Variants in TMEM132C observed in about 807,000 individuals in gnomAD.
TMEM132C encodes protein phosphatase 1, regulatory subunit 152.
Under a neutral mutation model 61.4 loss-of-function variants are expected in TMEM132C, and 29 were observed. The observed-to-expected ratio is 0.47, with a 90% CI of 0.35 to 0.64. The LOEUF (loss-of-function observed/expected upper bound fraction) is 0.64, where lower values mean the gene tolerates loss of function less well. TMEM132C is among the 30% of genes least tolerant of loss of function. TMEM132C has a pLI of 0.00. For synonymous variants in TMEM132C, 656 were observed against 633.1 expected, an observed-to-expected ratio of 1.04 and a Z score of -0.54; for missense variants, 1,408 against 1,476.9, an observed-to-expected ratio of 0.95 and a Z score of 0.76.
intron 2 of TMEM132C, among the ~76,000 whole-genome samples, chr12:128,492,614 T>C (rs909391573): frequency 2.0e-5 from 3 of 152,216 alleles, no homozygotes; most frequent in African/African-American, 7.2e-5. Flanking sequence ...ATGATGAGCA[T>C]TTTTTCATGT....
chr12:128,307,850 C>T (rs1298303096), intron 1 of TMEM132C, among the ~76,000 whole-genome samples: 1 of 152,198 alleles, frequency 6.6e-6, no homozygotes, highest in African/African-American at 2.4e-5. Context: ...TCTCTTCACC[C>T]CAAGAAGTCA....
At chr12:128,394,941 CAT>C (rs1259691504) in intron 1 of TMEM132C, among the ~76,000 whole-genome samples, 2 of 150,058 alleles carry the variant, frequency 1.3e-5, no homozygotes, top group African/African-American at 4.9e-5. Context: ...AGCTAAAACA[CAT>C]GTGACCATCC....
At chr12:128,639,004 ATGATGATGGTGG>A (rs1954126478) in intron 4 of TMEM132C, among the ~76,000 whole-genome samples, 2 of 54,408 alleles carry the variant, frequency 3.7e-5, no homozygotes, top group African/African-American at 1.2e-4. Context: ...GATGGTGGTG[ATGATGATGGTGG>A]TGATGGTGAT....
chr12:128,413,644 ATAATTT>A (rs900120784), intron 1 of TMEM132C, among the ~76,000 whole-genome samples: 8 of 151,518 alleles, frequency 5.3e-5, no homozygotes, highest in African/African-American at 1.5e-4. Context: ...ATATATATAA[ATAATTT>A]TAATATATTT....
At chr12:128,627,180 C>T (rs952692418) in intron 4 of TMEM132C, among the ~76,000 whole-genome samples, 11 of 152,236 alleles carry the variant, frequency 7.2e-5, no homozygotes, top group Non-Finnish European at 1.6e-4. Context: ...CCCATTCCAG[C>T]ACATTGCCTG....
chr12:128,372,973 G>A (rs1284455770), intron 1 of TMEM132C, among the ~76,000 whole-genome samples: 5 of 152,208 alleles, frequency 3.3e-5, no homozygotes, highest in Non-Finnish European at 5.9e-5. Context: ...TCCAGTGCTG[G>A]ATTTCAGTTC....
intron 1 of TMEM132C, among the ~76,000 whole-genome samples, chr12:128,360,511 C>G (rs556282304): frequency 6.6e-6 from 1 of 152,128 alleles, no homozygotes; most frequent in African/African-American, 2.4e-5. Context: ...CCCCTCGTGC[C>G]TGCTGATAAG....
intron 5 of TMEM132C, among the ~76,000 whole-genome samples, chr12:128,673,593 A>AC (rs35983908): frequency 0.76 from 115,943 of 152,166 alleles, 45,000 homozygotes; most frequent in South Asian, 0.88. Flanking sequence ...TATATAAAAC[A>AC]CTTTGAAAAG....
At chr12:128,344,314 C>T (rs1000963295) in intron 1 of TMEM132C, among the ~76,000 whole-genome samples, 10 of 152,218 alleles carry the variant, frequency 6.6e-5, no homozygotes, top group Admixed American at 5.9e-4. Flanking sequence ...CCTGCCACCA[C>T]ATCCGGCTAA....
At chr12:128,356,267 C>T (rs1045355036) in intron 1 of TMEM132C, among the ~76,000 whole-genome samples, 4 of 152,284 alleles carry the variant, frequency 2.6e-5, no homozygotes, top group East Asian at 1.9e-4. Context: ...AGCCAGGGAT[C>T]GGAGCCCCAC....
At chr12:128,689,032 G>T (rs1214092729) in intron 5 of TMEM132C, among the ~76,000 whole-genome samples, 1 of 151,790 alleles carries the variant, frequency 6.6e-6, no homozygotes, top group African/African-American at 2.4e-5. Context: ...TGGCCAGGCT[G>T]GTCTCAAACT....
At chr12:128,585,083 C>G (rs1174999693) in intron 3 of TMEM132C, among the ~76,000 whole-genome samples, 1 of 152,244 alleles carries the variant, frequency 6.6e-6, no homozygotes, top group Admixed American at 6.5e-5. Context: ...GCATCAGCAA[C>G]TGATGGACCG....
intron 2 of TMEM132C, among the ~76,000 whole-genome samples, chr12:128,491,191 T>G (rs1024304826): frequency 6.6e-6 from 1 of 152,166 alleles, no homozygotes; most frequent in Non-Finnish European, 1.5e-5. Flanking sequence ...GGACATTTGT[T>G]ATCATTGATA....
rs548495868 is a variant in TMEM132C, at chr12:128,553,406, A to G, written c.1121+9303A>G. On this transcript the variant is annotated intron_variant, in intron 3 of 8. Coordinates refer to ENST00000435159, the MANE Select transcript of TMEM132C (RefSeq NM_001136103.3). Reference sequence around the variant, plus strand: ...TTTTTAAACCCATATTCCATATCTTATGTAACTATTACCATTATTGCGTCC... The same window carrying G: ...TTTTTAAACCCATATTCCATATCTTGTGTAACTATTACCATTATTGCGTCC... Among the ~76,000 whole-genome samples the G allele has an allele frequency of 3.3e-5, 5 of 152,286 alleles. No homozygotes were observed. The South Asian group carries it at 1.0e-3, about 32-fold the overall frequency.
At chr12:128,561,330 C>T (rs969661520) in intron 3 of TMEM132C, among the ~76,000 whole-genome samples, 3 of 152,156 alleles carry the variant, frequency 2.0e-5, no homozygotes, top group Admixed American at 6.5e-5. Flanking sequence ...TTTTTTCATG[C>T]CAGGCTGCCT....
chr12:128,308,353 T>C (rs1025033229), intron 1 of TMEM132C, among the ~76,000 whole-genome samples: 2 of 152,170 alleles, frequency 1.3e-5, no homozygotes, highest in Non-Finnish European at 2.9e-5. Context: ...TTGGCCAGTT[T>C]TTTTTTTCTT....
At chr12:128,651,326 C>T (rs939010466) in intron 4 of TMEM132C, among the ~76,000 whole-genome samples, 3 of 152,196 alleles carry the variant, frequency 2.0e-5, no homozygotes, top group Non-Finnish European at 4.4e-5. Context: ...GCCTCATCTC[C>T]AAGGCTGGCT....
At chr12:128,499,101 G>A (rs962118183) in intron 2 of TMEM132C, among the ~76,000 whole-genome samples, 1 of 152,132 alleles carries the variant, frequency 6.6e-6, no homozygotes, top group Admixed American at 6.5e-5. Context: ...CAAATTTGAA[G>A]AGCTCACACT....
chr12:128,505,715 G>A (rs143805923), intron 2 of TMEM132C, among the ~76,000 whole-genome samples: 3 of 152,202 alleles, frequency 2.0e-5, no homozygotes, highest in Non-Finnish European at 2.9e-5. Flanking sequence ...GTGTCTGGGC[G>A]TTGCCCTGCA....
Sources: allele counts gnomAD v4.1 joint callset (sites outside exome capture counted in the v4.1 genomes callset), GRCh38; gene constraint gnomAD v4.1.1; transcripts MANE v1.5; gene names NCBI Gene and HGNC (gene_info 2026-07-23, HGNC 2026-07-21).